The following CFAP69 variants were observed in gnomAD, a reference collection of about 807,000 sequenced individuals.
The protein encoded by CFAP69 is cilia- and flagella-associated protein 69.
Under a neutral mutation model 123.0 loss-of-function variants are expected in CFAP69, and 92 were observed. That is an observed-to-expected ratio of 0.75 (90% confidence interval 0.63 to 0.89). The LOEUF (loss-of-function observed/expected upper bound fraction) is 0.89. Ranked by LOEUF, CFAP69 falls within the 40% of genes least tolerant of loss-of-function variation. The pLI, the probability that CFAP69 is intolerant of heterozygous loss-of-function variation, is 0.00. For synonymous variants in CFAP69, 380 were observed against 364.3 expected (o/e 1.04, Z -0.49); for missense variants, 1,067 against 1,096.9 (o/e 0.97, Z 0.39).
At chr7:90,288,142 T>A (rs1790573819) in intron 14 of CFAP69, 92 bp from the exon 15 acceptor site, 3 of 962,244 alleles carry the variant, frequency 3.1e-6, no homozygotes, top group Non-Finnish European at 1.5e-6. Context: ...ATTTCTCTGG[T>A]AAAAAAGCAA....
At chr7:90,322,381 T>C in the CFAP69 span, 1 of 152,234 alleles carries the variant, frequency 6.6e-6, no homozygotes, top group Non-Finnish European at 1.5e-5. Flanking sequence ...CTCTCACAAT[T>C]AGCAGAGATG....
intron 13 of CFAP69, among the ~76,000 whole-genome samples, chr7:90,285,264 C>G (rs1457588249): frequency 6.6e-6 from 1 of 152,164 alleles, no homozygotes; most frequent in Admixed American, 6.5e-5. Flanking sequence ...GATCCCCCAC[C>G]TGTAATTCAT....
At chr7:90,248,357 G>C (rs993332627) in intron 1 of CFAP69, among the ~76,000 whole-genome samples, 2 of 152,136 alleles carry the variant, frequency 1.3e-5, no homozygotes, top group African/African-American at 2.4e-5. Flanking sequence ...GGGTTATTTT[G>C]CTGATTTTTC....
rs553614245 is a variant in CFAP69 at position 90,304,311 on chromosome 7, T to C, written c.2188+205T>C. ...GTGTGGGATCCAGGCAATAGTATTTTTTAAAGCTCCCCAGGCAATTCCAAT... is the reference window on the plus strand; with the variant it reads ...GTGTGGGATCCAGGCAATAGTATTTCTTAAAGCTCCCCAGGCAATTCCAAT... On this transcript the variant is annotated intron_variant, in intron 18 of 22. Coordinates refer to ENST00000389297, the MANE Select transcript of CFAP69 (RefSeq NM_001039706.3). The C allele has an allele frequency of 5.4e-6, 7 of 1,294,874 alleles. No individual in the cohort carries two copies. The East Asian group carries it at 2.2e-4, about 40-fold the overall frequency. 80.2% of individuals were successfully genotyped at this position (1,294,874 alleles called of 1,614,324 possible). A position where few individuals can be genotyped will look rare whatever the true frequency, so the allele number is the denominator to read the frequency against.
intron 1 of CFAP69, among the ~76,000 whole-genome samples, chr7:90,247,691 C>T (rs1192420886): frequency 6.6e-6 from 1 of 151,912 alleles, no homozygotes; most frequent in Non-Finnish European, 1.5e-5. Flanking sequence ...ACTAAAAATA[C>T]AAAAATTAGG....
chr7:90,320,137 A>G, the CFAP69 span, among the ~76,000 whole-genome samples: 1 of 152,198 alleles, frequency 6.6e-6, no homozygotes, highest in East Asian at 1.9e-4. Context: ...ACTCCTACCT[A>G]CCACAACACA....
intron 11 of CFAP69, among the ~76,000 whole-genome samples, chr7:90,277,724 C>T (rs1437229828): frequency 6.6e-6 from 1 of 152,112 alleles, no homozygotes; most frequent in Non-Finnish European, 1.5e-5. Context: ...CAATCTCAAA[C>T]TCTTATGAAC....
downstream of CFAP69, among the ~76,000 whole-genome samples, chr7:90,311,306 C>A (rs1794307143): frequency 6.6e-6 from 1 of 152,138 alleles, no homozygotes; most frequent in Non-Finnish European, 1.5e-5. Flanking sequence ...ATCAGAGAGA[C>A]AAGGACCTGT....
At chr7:90,300,658 T>A (rs1792669446) in intron 17 of CFAP69, 2 of 182,788 alleles carry the variant, frequency 1.1e-5, no homozygotes, top group African/African-American at 2.7e-5. Flanking sequence ...TTTTTTTCTT[T>A]TTTTTTTGTG....
chr7:90,281,134 A>G (rs913703990), intron 12 of CFAP69, among the ~76,000 whole-genome samples: 2 of 152,170 alleles, frequency 1.3e-5, no homozygotes, highest in Non-Finnish European at 2.9e-5. Context: ...CAACAAACCT[A>G]GGAGGTATAG....
At chr7:90,275,514 A>G (rs927213840) in intron 9 of CFAP69, among the ~76,000 whole-genome samples, 1 of 149,134 alleles carries the variant, frequency 6.7e-6, no homozygotes, top group South Asian at 2.1e-4. Flanking sequence ...TCTTCAGGCC[A>G]CTAAGACCAC....
At chr7:90,252,887 A>T (rs1797193307) in intron 1 of CFAP69, among the ~76,000 whole-genome samples, 1 of 152,328 alleles carries the variant, frequency 6.6e-6, no homozygotes, top group South Asian at 2.1e-4. Flanking sequence ...TAAAACTAAG[A>T]CAATGAATAA....
chr7:90,249,775 T>C (rs1261565024), intron 1 of CFAP69, among the ~76,000 whole-genome samples: 1 of 152,198 alleles, frequency 6.6e-6, no homozygotes, highest in East Asian at 1.9e-4. Flanking sequence ...AGGTCTTAGA[T>C]GAACCCCAGC....
intron 13 of CFAP69, among the ~76,000 whole-genome samples, chr7:90,283,727 A>G (rs1323935005): frequency 6.6e-6 from 1 of 152,150 alleles, no homozygotes; most frequent in Non-Finnish European, 1.5e-5. Flanking sequence ...TGACTTTGAA[A>G]AGAGCTATTT....
intron 8 of CFAP69, 90 bp from the exon 9 acceptor site, chr7:90,273,897 G>C (rs969517879): frequency 2.0e-6 from 2 of 999,000 alleles, no homozygotes; most frequent in Non-Finnish European, 2.9e-6. Context: ...CATCACATTG[G>C]GGGTTAGGAT....
At chr7:90,284,534 A>G (rs1314566928) in intron 13 of CFAP69, among the ~76,000 whole-genome samples, 1 of 152,218 alleles carries the variant, frequency 6.6e-6, no homozygotes, top group Non-Finnish European at 1.5e-5. Flanking sequence ...AATAGAAACT[A>G]CATGTATCAT....
chr7:90,253,154 G>T (rs1231479188), intron 1 of CFAP69, among the ~76,000 whole-genome samples: 1 of 152,112 alleles, frequency 6.6e-6, no homozygotes, highest in Non-Finnish European at 1.5e-5. Context: ...GCAGGAAAGA[G>T]GATACAAAGG....
intron 20 of CFAP69, 35 bp downstream of exon 20, chr7:90,307,133 G>C: frequency 2.6e-6 from 4 of 1,545,578 alleles, no homozygotes; most frequent in Non-Finnish European, 3.5e-6. Context: ...GGAGAATGAA[G>C]ATAGGTTGGT....
At chr7:90,294,275 A>T (rs1050556603) in intron 15 of CFAP69, among the ~76,000 whole-genome samples, 3 of 152,144 alleles carry the variant, frequency 2.0e-5, no homozygotes, top group African/African-American at 7.2e-5. Flanking sequence ...ATTTACACCA[A>T]ATGTTACATT....
Sources: gnomAD v4.1 joint callset for allele counts (sites outside exome capture counted in the v4.1 genomes callset) on GRCh38, gnomAD v4.1.1 for gene constraint, MANE v1.5 for transcripts, NCBI Gene and HGNC (gene_info 2026-07-23, HGNC 2026-07-21) for gene names.